Variants in SYNE1 observed in about 807,000 individuals in gnomAD.
SYNE1 encodes spectrin repeat containing nuclear envelope protein 1, also known as nesprin-1.
Under a neutral mutation model 1,111.0 loss-of-function variants are expected in SYNE1, and 616 were observed. The observed-to-expected ratio is 0.55, with a 90% CI of 0.52 to 0.59. The LOEUF is 0.59. SYNE1 is among the 20% of genes least tolerant of loss of function. SYNE1 has a pLI of 0.00. For missense variants in SYNE1, 10,006 were observed against 10,417.0 expected (o/e 0.96, Z 1.72); for synonymous variants, 3,855 against 3,825.8 (o/e 1.01, Z -0.28).
intron 41 of SYNE1, among the ~76,000 whole-genome samples, chr6:152,414,109 A>G (rs983763913): frequency 3.9e-5 from 6 of 152,048 alleles, no homozygotes; most frequent in African/African-American, 1.2e-4. Flanking sequence ...GCATTTATAA[A>G]AAGTGGCCAT....
Position 152,404,319 on chromosome 6 carries a change from C to T in SYNE1, c.6724-5G>A. ...TGCTTTGTTTTTAACTTCAGACTGCCAAAAGGGAAGAAACATAACTAATCA... is the reference window on the plus strand; with the variant it reads ...TGCTTTGTTTTTAACTTCAGACTGCTAAAAGGGAAGAAACATAACTAATCA... On this transcript the variant is annotated splice_polypyrimidine_tract_variant and splice_region_variant and intron_variant, in intron 45 of 145. Transcript: ENST00000367255. The T allele has an allele frequency of 1.2e-6, 2 of 1,601,320 alleles. No individual in the cohort carries two copies. Among genetic ancestry groups the T allele is most frequent in the Non-Finnish European group, 1.7e-6 (2 of 1,170,594 alleles).
intron 34 of SYNE1, chr6:152,433,378 T>C (rs566464288): frequency 5.2e-6 from 1 of 192,574 alleles, no homozygotes; most frequent in South Asian, 1.0e-4. Flanking sequence ...AAACTCCTCC[T>C]TGTGATTGGT....
chr6:152,587,826 A>C (rs180896037), intron 3 of SYNE1, among the ~76,000 whole-genome samples: 5 of 152,304 alleles, frequency 3.3e-5, no homozygotes, highest in Admixed American at 2.6e-4. Flanking sequence ...AGCCATTAGT[A>C]ATCACAGAAA....
chr6:152,293,543 G>A, intron 95 of SYNE1, 45 bp downstream of exon 95: 1 of 1,609,116 alleles, frequency 6.2e-7, no homozygotes, highest in Non-Finnish European at 8.5e-7. Flanking sequence ...TCACAACAGT[G>A]CCTTATTCAA....
chr6:152,246,748 C>T (rs1386850879), intron 105 of SYNE1, among the ~76,000 whole-genome samples: 2 of 152,118 alleles, frequency 1.3e-5, no homozygotes, highest in African/African-American at 4.8e-5. Flanking sequence ...AAAATAGATC[C>T]TCCCCAAGGC....
intron 64 of SYNE1, 39 bp from the exon 65 acceptor site, chr6:152,359,497 C>T (rs1287759904): frequency 1.9e-6 from 3 of 1,613,140 alleles, no homozygotes; most frequent in East Asian, 2.2e-5. Context: ...GCCATTCATG[C>T]ACCATCACAT....
rs542986148 is a variant in SYNE1, at chr6:152,550,552, G to C, written c.68-10531C>G. On this transcript the variant is annotated intron_variant, in intron 3 of 145. Coordinates refer to ENST00000367255, the MANE Select transcript of SYNE1 (RefSeq NM_182961.4). ...CATCTCACGAAGAATTTGTCATCTC[G>C]TATGTATGGGGGTGTGGGAGAGAGG... is the stretch of plus-strand genomic sequence containing the variant. Among the ~76,000 whole-genome samples, 18 of 151,338 alleles carry C rather than the reference G, an allele frequency of 1.2e-4. 1 individual carries two copies. The South Asian group carries it at 3.8e-3, about 32-fold the overall frequency.
chr6:152,461,557 GGTGTCACACAGCCTATT>G (rs1441988710), intron 21 of SYNE1, 23 bp downstream of exon 21: 2 of 1,613,042 alleles, frequency 1.2e-6, no homozygotes, highest in African/African-American at 2.7e-5. Context: ...AGGCACTGTT[GGTGTCACACAGCCTATT>G]GTGCATTAAA....
chr6:152,158,687 A>C (rs2061834601), intron 131 of SYNE1, among the ~76,000 whole-genome samples: 1 of 152,254 alleles, frequency 6.6e-6, no homozygotes, highest in African/African-American at 2.4e-5. Context: ...TTAAAGATAA[A>C]TATAAAGACA....
At chr6:152,218,518 C>A in intron 120 of SYNE1, 115 bp from the exon 121 acceptor site, 1 of 1,206,680 alleles carries the variant, frequency 8.3e-7, no homozygotes, top group Non-Finnish European at 1.2e-6. Flanking sequence ...ATTCTTGTAT[C>A]AAATTGCCAT....
At chr6:152,425,048 T>C (rs926868894) in intron 39 of SYNE1, among the ~76,000 whole-genome samples, 1 of 152,188 alleles carries the variant, frequency 6.6e-6, no homozygotes, top group Non-Finnish European at 1.5e-5. Context: ...AGAAATGTCA[T>C]GTGAGATAAA....
At chr6:152,370,033 G>A (rs980995342) in intron 59 of SYNE1, among the ~76,000 whole-genome samples, 83 of 123,070 alleles carry the variant, frequency 6.7e-4, no homozygotes, top group African/African-American at 2.2e-3. Flanking sequence ...AACCAAGCCC[G>A]CTCCAAAGTC....
At chr6:152,206,387 T>C in intron 125 of SYNE1, 25 bp from the exon 126 acceptor site, 1 of 1,612,146 alleles carries the variant, frequency 6.2e-7, no homozygotes, top group Admixed American at 1.7e-5. Flanking sequence ...AGCTTTTTAT[T>C]TTCTCATTCT....
chr6:152,444,967 A>T (rs2098566290), intron 29 of SYNE1, among the ~76,000 whole-genome samples: 1 of 152,090 alleles, frequency 6.6e-6, no homozygotes, highest in Non-Finnish European at 1.5e-5. Context: ...TGACATATAA[A>T]CACAGATCTT....
At position 152,237,306 on chromosome 6, in the gene SYNE1, CT is replaced by C. The variant is rs61142738; in HGVS notation, c.20068-359del. Reference sequence around the variant, plus strand: ...CAGTGTACCTTCTATTGGGTATGCACTTTTTTTTTTTTTTTTTTTTTTAGAT... The same window carrying C: ...CAGTGTACCTTCTATTGGGTATGCACTTTTTTTTTTTTTTTTTTTTTAGAT... On this transcript the variant is annotated intron_variant, in intron 108 of 145. Transcript: ENST00000367255. 6.0e-3 allele frequency among the ~76,000 whole-genome samples: 720 copies of C among 119,596 alleles called. 11 individuals carry two copies. The highest frequency in any genetic ancestry group is 0.019 in the African/African-American group (598 of 31,600). 78.5% of individuals were successfully genotyped at this position (119,596 alleles called of 152,430 possible). A position where few individuals can be genotyped will look rare whatever the true frequency, so the allele number is the denominator to read the frequency against.
intron 113 of SYNE1, 79 bp from the exon 114 acceptor site, chr6:152,231,646 C>T (rs901468197): frequency 3.0e-5 from 43 of 1,417,994 alleles, no homozygotes; most frequent in Non-Finnish European, 4.1e-5. Flanking sequence ...CCTTAAGTAA[C>T]CTTAATATTA....
chr6:152,167,804 T>C (rs1349421220), intron 130 of SYNE1: 2 of 596,314 alleles, frequency 3.4e-6, no homozygotes, highest in African/African-American at 3.7e-5. Flanking sequence ...ATCGCTTTCC[T>C]GTGTCTCAGC....
chr6:152,257,586 G>C (rs1431103180), intron 101 of SYNE1, among the ~76,000 whole-genome samples: 1 of 152,054 alleles, frequency 6.6e-6, no homozygotes, highest in Non-Finnish European at 1.5e-5. Context: ...AAGGTGGCTT[G>C]CAAATTTTAT....
At chr6:152,127,508 A>G (rs191548794) in intron 145 of SYNE1, 2 of 152,320 alleles carry the variant, frequency 1.3e-5, no homozygotes, top group East Asian at 3.9e-4. Flanking sequence ...GGTTGGCTGG[A>G]TTCGGCCTTT....
Sources: allele counts gnomAD v4.1 joint callset (sites outside exome capture counted in the v4.1 genomes callset), GRCh38; gene constraint gnomAD v4.1.1; transcripts MANE v1.5; gene names NCBI Gene and HGNC (gene_info 2026-07-23, HGNC 2026-07-21).